The following DISC1 variants were observed in gnomAD, a reference collection of about 807,000 sequenced individuals.
DISC1 encodes the protein DISC1 scaffold protein, also known as disrupted in schizophrenia 1 protein.
A neutral mutation model predicts 84.5 loss-of-function variants in DISC1; 57 were observed. That is an observed-to-expected ratio of 0.67 (90% CI 0.55 to 0.84). DISC1 has a LOEUF of 0.84. DISC1 is among the 40% of genes least tolerant of loss of function. DISC1 has a pLI of 0.00. For synonymous variants in DISC1, 411 were observed against 415.2 expected, an observed-to-expected ratio of 0.99 and a Z score of 0.12; for missense variants, 1,000 against 1,057.8, an observed-to-expected ratio of 0.95 and a Z score of 0.76.
chr1:232,036,762 A>G lies in DISC1; in HGVS notation c.2496A>G (p.Ala832=). Reference sequence around the variant, plus strand: ...CCATGATCCTGCAGCTCCAGCCAGCAAAGGAGGCGGGAGAAAGAGAAGCTG... The same window carrying G: ...CCATGATCCTGCAGCTCCAGCCAGCGAAGGAGGCGGGAGAAAGAGAAGCTG... The part of the protein sequence containing the change: ...LQAMILQLQP[A]KEAGEREAAA... The change falls in exon 13 of 13, where the codon GCA becomes GCG. Residue 832 remains alanine (A), a synonymous_variant. Transcript: ENST00000439617. 6.2e-7 allele frequency: 1 copy of G among 1,607,826 alleles called. No homozygotes were observed. The highest frequency in any genetic ancestry group is 8.5e-7 in the Non-Finnish European group (1 of 1,175,794).
chr1:232,018,496 GT>G (rs932326975), intron 11 of DISC1, among the ~76,000 whole-genome samples: 1 of 152,160 alleles, frequency 6.6e-6, no homozygotes, highest in Non-Finnish European at 1.5e-5. Flanking sequence ...ATAGAAAAAT[GT>G]TTTTTGAAAG....
At chr1:231,815,688 A>G (rs1277132833) in intron 8 of DISC1, among the ~76,000 whole-genome samples, 1 of 151,404 alleles carries the variant, frequency 6.6e-6, no homozygotes, top group East Asian at 1.9e-4. Context: ...CAGTGAGCTG[A>G]GATCGTACCA....
chr1:231,760,257 C>T (rs1165362363), intron 4 of DISC1, among the ~76,000 whole-genome samples: 2 of 152,102 alleles, frequency 1.3e-5, no homozygotes, highest in Non-Finnish European at 2.9e-5. Flanking sequence ...CTCAGAATGG[C>T]CTTGGTAATT....
chr1:231,835,724 T>C (rs1402784217), intron 9 of DISC1, among the ~76,000 whole-genome samples: 1 of 152,204 alleles, frequency 6.6e-6, no homozygotes, highest in Admixed American at 6.5e-5. Flanking sequence ...CTTTATATAA[T>C]ATGGTTATCA....
intron 3 of DISC1, among the ~76,000 whole-genome samples, chr1:231,732,535 G>C (rs1018715092): frequency 6.6e-6 from 1 of 152,252 alleles, no homozygotes; most frequent in Middle Eastern, 3.4e-3. Flanking sequence ...ATAAATAAAA[G>C]AAAAATATCC....
intron 3 of DISC1, among the ~76,000 whole-genome samples, chr1:231,718,561 C>T (rs531219437): frequency 1.3e-5 from 2 of 152,108 alleles, no homozygotes; most frequent in South Asian, 2.1e-4. Flanking sequence ...CTCAGCCTCC[C>T]GAGTAGCTGG....
chr1:231,755,249 C>T (rs2075002730), intron 4 of DISC1, among the ~76,000 whole-genome samples: 1 of 151,800 alleles, frequency 6.6e-6, no homozygotes, highest in Admixed American at 6.6e-5. Flanking sequence ...CTCTATTGGC[C>T]AGGCTGGTCT....
chr1:231,762,214 TCTTCTTTTCTTTTC>T (rs2075764692), intron 4 of DISC1, among the ~76,000 whole-genome samples: 4 of 65,990 alleles, frequency 6.1e-5, no homozygotes, highest in Non-Finnish European at 1.2e-4. Context: ...TTTTCTTTTC[TCTTCTTTTCTTTTC>T]TTTTCTTTTC....
chr1:231,651,459 G>A (rs545175307), intron 1 of DISC1, among the ~76,000 whole-genome samples: 51 of 152,274 alleles, frequency 3.3e-4, no homozygotes, highest in Non-Finnish European at 5.0e-4. Context: ...CTCTGGAGGC[G>A]TTGTCCCAGA....
At chr1:231,722,814 GGGC>G in intron 3 of DISC1, 4 of 1,444,508 alleles carry the variant, frequency 2.8e-6, no homozygotes. Flanking sequence ...AAAACCAGGT[GGGC>G]ATTTCTGCCC....
intron 3 of DISC1, among the ~76,000 whole-genome samples, chr1:231,740,804 A>G (rs1438280417): frequency 1.3e-5 from 2 of 152,230 alleles, no homozygotes; most frequent in Non-Finnish European, 2.9e-5. Context: ...ATTTCAAAAT[A>G]ATTTTGCACA....
At chr1:231,989,438 A>G (rs1460468950) in intron 10 of DISC1, among the ~76,000 whole-genome samples, 1 of 152,224 alleles carries the variant, frequency 6.6e-6, no homozygotes, top group Non-Finnish European at 1.5e-5. Context: ...TATCATAGGC[A>G]TGCCCTGACC....
At chr1:231,717,359 T>C (rs2068894749) in intron 3 of DISC1, among the ~76,000 whole-genome samples, 1 of 152,208 alleles carries the variant, frequency 6.6e-6, no homozygotes, top group African/African-American at 2.4e-5. Flanking sequence ...TAGGAGGGAT[T>C]GGTCTTTTCT....
chr1:231,834,181 C>T (rs951482737), intron 9 of DISC1, among the ~76,000 whole-genome samples: 2 of 151,992 alleles, frequency 1.3e-5, no homozygotes, highest in African/African-American at 4.8e-5. Flanking sequence ...AGTCATGGAA[C>T]GAAACTGTAA....
chr1:231,784,218 G>A (rs367717222), intron 6 of DISC1, among the ~76,000 whole-genome samples: 16 of 149,512 alleles, frequency 1.1e-4, no homozygotes, highest in South Asian at 4.2e-4. Flanking sequence ...AACCGAGATC[G>A]CACCATTGCA....
chr1:231,963,071 A>T (rs202050537), intron 10 of DISC1, among the ~76,000 whole-genome samples: 5 of 152,198 alleles, frequency 3.3e-5, no homozygotes, highest in African/African-American at 4.8e-5. Flanking sequence ...GCATCTTAAA[A>T]TACCAATCTG....
chr1:231,797,189 C>G (rs1189260051), intron 7 of DISC1, among the ~76,000 whole-genome samples: 1 of 152,166 alleles, frequency 6.6e-6, no homozygotes, highest in Admixed American at 6.5e-5. Flanking sequence ...TTATATAATG[C>G]AGATGGTGCT....
Position 231,767,257 on chromosome 1 carries a change from G to T in DISC1, c.1386G>T (p.Lys462Asn). 6.2e-7 allele frequency: 1 copy of T among 1,614,168 alleles called. No individual in the cohort carries two copies. The highest frequency in any genetic ancestry group is 8.5e-7 in the Non-Finnish European group (1 of 1,180,028). ...ITRRDWLLQE[K>N]QQLQKEIEAL... ...GACGAGACTGGCTTCTTCAGGAAAA[G>T]CAGCAGCTACAGGTGAGCAGGTGAA... The change falls in exon 5 of 13, where the codon AAG becomes AAT. Residue 462 changes from lysine to asparagine, a missense_variant. Physicochemically the swap from Lys to Asn is moderately conservative, Grantham distance 94 (BLOSUM62 0). This residue lies in a region of DISC1 where 311 missense variants were observed against 400.1 expected (regional missense o/e 0.78). Transcript: ENST00000439617.
At chr1:231,703,636 C>G (rs111438582) in intron 3 of DISC1, among the ~76,000 whole-genome samples, 28 of 152,306 alleles carry the variant, frequency 1.8e-4, no homozygotes, top group African/African-American at 6.5e-4. Flanking sequence ...AGACTTGGTT[C>G]TCTCAATGGC....
Sources: gnomAD v4.1 joint callset for allele counts (sites outside exome capture counted in the v4.1 genomes callset) on GRCh38, gnomAD v4.1.1 for gene constraint, gnomAD v4.1.1 regional missense constraint, MANE v1.5 for transcripts, NCBI Gene and HGNC (gene_info 2026-07-23, HGNC 2026-07-21) for gene names.